QTGAL: variants seen among roughly 807,000 people sequenced by gnomAD.
The protein encoded by QTGAL is BGnT-like protein 1.
At chr17:83,021,848 G>A in the QTGAL span, among the ~76,000 whole-genome samples, 1 of 152,164 alleles carries the variant, frequency 6.6e-6, no homozygotes, top group Non-Finnish European at 1.5e-5. Flanking sequence ...CTGGTATAAA[G>A]AGAAATATAA....
chr17:82,961,098 C>G, the QTGAL span: 22 of 1,610,532 alleles, frequency 1.4e-5, no homozygotes, highest in African/African-American at 2.9e-4. Context: ...GGTGGCGATA[C>G]AGCAGGAGAC....
chr17:83,051,230 C>T, the QTGAL span, among the ~76,000 whole-genome samples: 1 of 100,688 alleles, frequency 9.9e-6, no homozygotes, highest in Non-Finnish European at 2.0e-5. Flanking sequence ...GGCAGATGCG[C>T]AGGTGCGCGG....
chr17:83,027,008 C>G, the QTGAL span, among the ~76,000 whole-genome samples: 624 of 120,280 alleles, frequency 5.2e-3, 3 homozygotes, highest in African/African-American at 0.021. Flanking sequence ...ACACACAGAG[C>G]GGGGCAGGGA....
chr17:82,949,725 T>G, the QTGAL span: 1 of 152,196 alleles, frequency 6.6e-6, no homozygotes, highest in East Asian at 1.9e-4. Flanking sequence ...GCAAGCAAAC[T>G]TAAAACATGA....
At chr17:82,981,356 G>A in the QTGAL span, 1 of 152,264 alleles carries the variant, frequency 6.6e-6, no homozygotes, top group Non-Finnish European at 1.5e-5. Context: ...CAGCCCCAGC[G>A]GAGCTGCGAG....
the QTGAL span, chr17:82,949,565 A>T: frequency 2.6e-5 from 4 of 152,150 alleles, no homozygotes; most frequent in African/African-American, 9.7e-5. Flanking sequence ...TCTCAAAAGG[A>T]TGGAGCAGAA....
the QTGAL span, among the ~76,000 whole-genome samples, chr17:83,040,164 C>A: frequency 6.6e-6 from 1 of 152,188 alleles, no homozygotes; most frequent in Non-Finnish European, 1.5e-5. Flanking sequence ...CCACGCTGCA[C>A]CCCAGACCAA....
At chr17:82,977,870 T>C in the QTGAL span, among the ~76,000 whole-genome samples, 1 of 152,168 alleles carries the variant, frequency 6.6e-6, no homozygotes, top group Non-Finnish European at 1.5e-5. Flanking sequence ...TAGTACTTCC[T>C]GCGGTTTCTG....
chr17:83,025,567 C>T, the QTGAL span, among the ~76,000 whole-genome samples: 4 of 122,198 alleles, frequency 3.3e-5, no homozygotes, highest in East Asian at 2.6e-4. Flanking sequence ...ACGGACACCG[C>T]GGAGAGTCCA....
At chr17:82,985,541 T>C in the QTGAL span, among the ~76,000 whole-genome samples, 1 of 152,208 alleles carries the variant, frequency 6.6e-6, no homozygotes, top group African/African-American at 2.4e-5. Context: ...TGGTTCAAAC[T>C]GTGCCTCCTC....
the QTGAL span, among the ~76,000 whole-genome samples, chr17:82,958,916 G>A: frequency 8.7e-6 from 1 of 114,366 alleles, no homozygotes; most frequent in Non-Finnish European, 1.8e-5. Flanking sequence ...TACTGTGTGG[G>A]GGTGTATGGT....
At chr17:83,046,767 T>C in the QTGAL span, among the ~76,000 whole-genome samples, 51 of 152,294 alleles carry the variant, frequency 3.3e-4, no homozygotes, top group African/African-American at 1.2e-3. Context: ...ACAACAACTG[T>C]ACACAAATGT....
the QTGAL span, among the ~76,000 whole-genome samples, chr17:82,970,622 G>GCGTGGCCGCGACCTCCGCACCCA: frequency 1.7e-5 from 1 of 60,018 alleles, no homozygotes; most frequent in African/African-American, 8.6e-5. Context: ...CTCCCCACCC[G>GCGTGGCCGCGACCTCCGCACCCA]GCGTGGCCGC....
At chr17:82,961,457 G>A in the QTGAL span, 1 of 459,762 alleles carries the variant, frequency 2.2e-6, no homozygotes, top group East Asian at 3.7e-5. Context: ...AAGGTCTCAG[G>A]GCAAAGAGGA....
At chr17:82,992,248 C>T in the QTGAL span, among the ~76,000 whole-genome samples, 2 of 152,192 alleles carry the variant, frequency 1.3e-5, no homozygotes, top group African/African-American at 4.8e-5. Flanking sequence ...TACCTCAAGG[C>T]ATTTAATAAT....
the QTGAL span, among the ~76,000 whole-genome samples, chr17:82,951,619 C>T: frequency 2.6e-5 from 4 of 152,316 alleles, no homozygotes; most frequent in East Asian, 1.9e-4. Flanking sequence ...AAAGCTGGGC[C>T]TCTCCTGCCA....
At chr17:82,951,884 C>CATA in the QTGAL span, among the ~76,000 whole-genome samples, 1 of 151,584 alleles carries the variant, frequency 6.6e-6, no homozygotes, top group East Asian at 1.9e-4. Context: ...TTCATATGGG[C>CATA]GCCCCGAGAT....
At chr17:83,001,320 G>T in the QTGAL span, among the ~76,000 whole-genome samples, 2 of 152,162 alleles carry the variant, frequency 1.3e-5, no homozygotes, top group African/African-American at 4.8e-5. Context: ...CCACAACATA[G>T]TCAAGGAAAA....
chr17:83,019,730 G>T, the QTGAL span, among the ~76,000 whole-genome samples: 1 of 152,170 alleles, frequency 6.6e-6, no homozygotes, highest in African/African-American at 2.4e-5. Flanking sequence ...TTGAACAATA[G>T]AACTTTCTCT....
Sources: gnomAD v4.1 joint callset for allele counts (sites outside exome capture counted in the v4.1 genomes callset) on GRCh38, gnomAD v4.1.1 for gene constraint, MANE v1.5 for transcripts, NCBI Gene and HGNC (gene_info 2026-07-23, HGNC 2026-07-21) for gene names.